The following LRP2 variants were observed in gnomAD, a reference collection of about 807,000 sequenced individuals.
LRP2 encodes the protein low-density lipoprotein receptor-related protein 2.
LRP2 carries 172 observed loss-of-function variants against 531.0 expected under a neutral mutation model. The ratio of observed to expected loss-of-function variants is 0.32; its 90% CI spans 0.29 to 0.37. The LOEUF (loss-of-function observed/expected upper bound fraction) is 0.37. Among genes scored for constraint, LRP2 ranks in the 10% least tolerant of loss-of-function variants. LRP2 has a pLI of 1.00. For synonymous variants in LRP2, 1,992 were observed against 2,027.6 expected (o/e 0.98, Z 0.47); for missense variants, 5,167 against 5,868.3 (o/e 0.88, Z 3.90).
In LRP2 at chr2:169,328,441, TAAAAAAAAAAAAAAAA is replaced by T. The variant is rs537210492; in HGVS notation, c.80-7573_80-7558del. On this transcript the variant is annotated intron_variant, in intron 1 of 78. Transcript: ENST00000649046. ...ACAGCTCATTGAGAACGGGCCGGGA[TAAAAAAAAAAAAAAAA>T]AAAAAAAGAAAAAAAAAGAAATAAA... Among the ~76,000 whole-genome samples the T allele has an allele frequency of 7.6e-3, 372 of 49,136 alleles. 2 individuals are homozygous for T. The highest frequency in any genetic ancestry group is 0.026 in the African/African-American group (347 of 13,476). 32.2% of individuals were successfully genotyped at this position (49,136 alleles called of 152,430 possible).
At chr2:169,257,782 A>T (rs1690363963) in intron 17 of LRP2, among the ~76,000 whole-genome samples, 2 of 151,220 alleles carry the variant, frequency 1.3e-5, no homozygotes, top group Admixed American at 1.3e-4. Flanking sequence ...AATATTCTAA[A>T]GAGTGGGAAA....
chr2:169,175,264 G>A lies in LRP2; in HGVS notation c.10697C>T (p.Thr3566Ile), dbSNP rs756870198. The change falls in exon 55 of 79, where the codon ACC becomes ATC. Residue 3566 changes from threonine (T) to isoleucine (I), a missense_variant. Physicochemically the swap from Thr to Ile is moderately conservative, Grantham distance 89. Coordinates refer to ENST00000649046, the MANE Select transcript of LRP2 (RefSeq NM_004525.3). ...GQFQCSDGNC[T>I]SPQTLCNAHQ... ...AGCATTGCATAAAGTCTGCGGGCTG[G>A]TGCAGTTGCCGTCACTGCACTGGAA... The A allele has an allele frequency of 1.2e-6, 2 of 1,614,206 alleles. No individual in the cohort carries two copies. The highest frequency in any genetic ancestry group is 1.7e-6 in the Non-Finnish European group (2 of 1,180,038).
chr2:169,217,027 T>A (rs1688822958), intron 34 of LRP2, among the ~76,000 whole-genome samples: 1 of 152,172 alleles, frequency 6.6e-6, no homozygotes. Flanking sequence ...AGACTTCTTT[T>A]TTCTTTCTAT....
intron 1 of LRP2, among the ~76,000 whole-genome samples, chr2:169,333,189 C>A (rs1685310662): frequency 6.6e-6 from 1 of 152,004 alleles, no homozygotes; most frequent in Non-Finnish European, 1.5e-5. Context: ...TGATGTTTTA[C>A]ACAATATTTT....
intron 58 of LRP2, 74 bp from the exon 59 acceptor site, chr2:169,170,741 T>C: frequency 9.3e-7 from 1 of 1,073,194 alleles, no homozygotes; most frequent in Non-Finnish European, 1.5e-6. Flanking sequence ...GAGCTGACCA[T>C]AGTGCCCTGG....
Position 169,169,801 on chromosome 2 carries a change from G to A in LRP2, c.11398C>T (p.Pro3800Ser). ...CCACTTGTACACTGAAAATATTCAG[G>A]ATGGCAGGTCCTCATCTCTGAAGAG... ...ERDCEMRTCH[P>S]EYFQCTSGHC... The change falls in exon 60 of 79, where the codon CCT (proline) becomes TCT (serine). Residue 3800 changes from proline (P) to serine (S), a missense_variant. Transcript: ENST00000649046. 3 of 1,612,628 alleles carry A rather than the reference G, an allele frequency of 1.9e-6. No individual in the cohort carries two copies. Among genetic ancestry groups the A allele is most frequent in the Non-Finnish European group, 2.5e-6 (3 of 1,178,642 alleles).
intron 46 of LRP2, among the ~76,000 whole-genome samples, chr2:169,195,710 C>T (rs1687981739): frequency 1.3e-5 from 2 of 152,158 alleles, no homozygotes; most frequent in Admixed American, 1.3e-4. Flanking sequence ...CTATTCTACT[C>T]ATCCAGCAGT....
At chr2:169,129,227 G>C (rs1054251643) in intron 77 of LRP2, 143 bp from the exon 78 acceptor site, 8 of 691,896 alleles carry the variant, frequency 1.2e-5, no homozygotes, top group Non-Finnish European at 2.1e-5. Flanking sequence ...CAGCCCATAT[G>C]GTAAATTGTT....
rs549595392 is a variant in LRP2 at position 169,277,316 on chromosome 2, G to A, written c.1772+429C>T. Reference sequence around the variant, plus strand: ...TCCTTGAAATTTGAAATATATAAGAGCAGAGTAAAATCCAATTAATTCCCA... The same window carrying A: ...TCCTTGAAATTTGAAATATATAAGAACAGAGTAAAATCCAATTAATTCCCA... On this transcript the variant is annotated intron_variant, in intron 13 of 78. Transcript: ENST00000649046. Among the ~76,000 whole-genome samples, 4 of 151,974 alleles carry A rather than the reference G, an allele frequency of 2.6e-5. No individual in the cohort carries two copies. The East Asian group carries it at 7.7e-4, about 29-fold the overall frequency.
intron 1 of LRP2, among the ~76,000 whole-genome samples, chr2:169,348,697 A>G (rs192259848): frequency 1.3e-5 from 2 of 152,310 alleles, no homozygotes; most frequent in South Asian, 2.1e-4. Context: ...CCCATTCTGT[A>G]TGTACAGGGG....
chr2:169,176,711 T>G (rs1203942075), intron 53 of LRP2, 123 bp from the exon 54 acceptor site: 18 of 858,516 alleles, frequency 2.1e-5, no homozygotes, highest in Non-Finnish European at 3.4e-5. Context: ...CTATCCTAGA[T>G]TTATGATTTT....
intron 30 of LRP2, among the ~76,000 whole-genome samples, chr2:169,232,259 G>A (rs1459974686): frequency 6.6e-6 from 1 of 151,002 alleles, no homozygotes; most frequent in Non-Finnish European, 1.5e-5. Context: ...AGTTTACCTA[G>A]AGTTTTCCAG....
intron 1 of LRP2, among the ~76,000 whole-genome samples, chr2:169,359,201 T>C (rs1203998456): frequency 1.3e-5 from 2 of 152,206 alleles, no homozygotes; most frequent in East Asian, 1.9e-4. Context: ...GTAAATTCTC[T>C]TATTATCTTG....
intron 3 of LRP2, among the ~76,000 whole-genome samples, chr2:169,316,401 CT>C (rs1212618908): frequency 5.3e-5 from 8 of 152,120 alleles, no homozygotes; most frequent in Admixed American, 3.9e-4. Context: ...TAATAAAATA[CT>C]TTCATTATGA....
At chr2:169,196,612 G>C (rs1039812539) in intron 46 of LRP2, among the ~76,000 whole-genome samples, 1 of 152,190 alleles carries the variant, frequency 6.6e-6, no homozygotes, top group Non-Finnish European at 1.5e-5. Flanking sequence ...CTTCAATTGA[G>C]AGCCAACTAA....
Position 169,220,518 on chromosome 2 carries a change from C to A in LRP2, c.5584G>T (p.Ala1862Ser). 1 of 1,613,510 alleles carries A rather than the reference C, an allele frequency of 6.2e-7. No homozygotes were observed. Reference sequence around the variant, plus strand: ...ACTCCAAGAGCTGTCCCATCATTGGCAATCAATGTTTTTCTGTATCTGATA... The same window carrying A: ...ACTCCAAGAGCTGTCCCATCATTGGAAATCAATGTTTTTCTGTATCTGATA... ...GDIRYRKTLIANDGTALGVGF... is the reference protein window; with the variant it reads ...GDIRYRKTLISNDGTALGVGF... Residue 1862 changes from alanine to serine, a missense_variant, in exon 34 of 79, where the codon GCC (alanine) becomes TCC (serine). Ala to Ser is a moderately conservative substitution (Grantham distance 99). Around this residue, in one of 6 missense-constraint regions of LRP2, gnomAD observed 2,811 missense variants for 3,058.0 expected, o/e 0.92. Coordinates refer to ENST00000649046, the MANE Select transcript of LRP2 (RefSeq NM_004525.3).
At position 169,171,378 on chromosome 2, in the gene LRP2, T is replaced by C. The variant is rs188664240; in HGVS notation, c.11263+637A>G. ...ATTAAGCTTGTTTTCAGAACACACA[T>C]TGAGTGTGTTCTGACCATCTAATTT... On this transcript the variant is annotated intron_variant, in intron 58 of 78. Transcript: ENST00000649046. Among the ~76,000 whole-genome samples, 77 of 152,282 alleles carry C rather than the reference T, an allele frequency of 5.1e-4. 1 individual carries two copies. Among genetic ancestry groups the C allele is most frequent in the Middle Eastern group, 3.4e-3 (1 of 294 alleles).
At chr2:169,131,463 T>G (rs1294502959) in intron 77 of LRP2, among the ~76,000 whole-genome samples, 1 of 152,222 alleles carries the variant, frequency 6.6e-6, no homozygotes, top group Non-Finnish European at 1.5e-5. Context: ...GTTTATAGAC[T>G]ATGAAATTTG....
In LRP2 at chr2:169,205,560, A is replaced by G. The variant is rs1688347243; in HGVS notation, c.7634T>C (p.Ile2545Thr). The change falls in exon 41 of 79, where the codon ATT (isoleucine) becomes ACT (threonine). Residue 2545 changes from isoleucine (I) to threonine (T), a missense_variant. Physicochemically the swap from Ile to Thr is moderately conservative, Grantham distance 89 (BLOSUM62 -1). Coordinates refer to ENST00000649046, the MANE Select transcript of LRP2 (RefSeq NM_004525.3). ...GGGCATGACCAGACTGCTGTTCACA[A>G]TGGGTACGCGGAAGTTTCCTCCCAA... The part of the protein sequence containing the change: ...ATLGGNFRVP[I>T]VNSSLVMPSG... 1 of 1,614,094 alleles carries G rather than the reference A, an allele frequency of 6.2e-7. No homozygotes were observed. The highest frequency in any genetic ancestry group is 8.5e-7 in the Non-Finnish European group (1 of 1,179,988).
Sources: gnomAD v4.1 joint callset for allele counts (sites outside exome capture counted in the v4.1 genomes callset) on GRCh38, gnomAD v4.1.1 for gene constraint, gnomAD v4.1.1 regional missense constraint, MANE v1.5 for transcripts, NCBI Gene and HGNC (gene_info 2026-07-23, HGNC 2026-07-21) for gene names.